NAV3: variants seen among roughly 807,000 people sequenced by gnomAD.
NAV3 encodes the protein pore membrane and/or filament interacting like protein 1.
In NAV3, 87 loss-of-function variants were observed where a neutral mutation model predicts 244.7. The observed-to-expected ratio is 0.36, with a 90% CI of 0.30 to 0.42. The LOEUF (loss-of-function observed/expected upper bound fraction) is 0.42, where lower values mean the gene tolerates loss of function less well. NAV3 is among the 20% of genes least tolerant of loss of function. The pLI, the probability that NAV3 is intolerant of heterozygous loss-of-function variation, is 1.00. For missense variants in NAV3, 2,663 were observed against 2,893.3 expected (o/e 0.92, Z 1.83); for synonymous variants, 1,126 against 1,042.2 (o/e 1.08, Z -1.55).
At chr12:78,154,313 G>GTATATATTACTATCTAATATATAA (rs1555183047) in intron 22 of NAV3, among the ~76,000 whole-genome samples, 1 of 130,482 alleles carries the variant, frequency 7.7e-6, no homozygotes, top group African/African-American at 2.9e-5. Flanking sequence ...ATAATATATA[G>GTATATATTACTATCTAATATATAA]TATATATATA....
intron 12 of NAV3, among the ~76,000 whole-genome samples, chr12:78,095,335 G>A (rs993543346): frequency 6.6e-6 from 1 of 152,034 alleles, no homozygotes; most frequent in African/African-American, 2.4e-5. Context: ...AACTCTTGAA[G>A]AGAGAGCAAG....
intron 2 of NAV3, among the ~76,000 whole-genome samples, chr12:77,607,548 C>T (rs368789351): frequency 1.5e-4 from 23 of 152,126 alleles, no homozygotes; most frequent in Non-Finnish European, 2.2e-4. Flanking sequence ...AGGAGATGGA[C>T]GTTTCTTAAA....
At chr12:77,829,289 C>T (rs1873345900), upstream of NAV3, among the ~76,000 whole-genome samples, 1 of 152,270 alleles carries the variant, frequency 6.6e-6, no homozygotes, top group South Asian at 2.1e-4. Flanking sequence ...CATTTATACC[C>T]AATTATTTTT....
chr12:78,105,610 G>A (rs948615975), intron 12 of NAV3, among the ~76,000 whole-genome samples: 1 of 151,810 alleles, frequency 6.6e-6, no homozygotes, highest in Non-Finnish European at 1.5e-5. Flanking sequence ...ATTCTTACTG[G>A]TTTGTTTCAG....
chr12:77,930,137 C>G (rs1593030159), intron 1 of NAV3, among the ~76,000 whole-genome samples: 1 of 152,066 alleles, frequency 6.6e-6, no homozygotes, highest in African/African-American at 2.4e-5. Flanking sequence ...AAGTAATATG[C>G]TTTAATATCC....
At chr12:77,648,164 C>G (rs926763166) in intron 2 of NAV3, among the ~76,000 whole-genome samples, 3 of 151,990 alleles carry the variant, frequency 2.0e-5, no homozygotes, top group Non-Finnish European at 4.4e-5. Context: ...GTAAAGGCCT[C>G]GTTTCAAAAA....
chr12:77,776,661 A>T (rs573800546), intron 2 of NAV3, among the ~76,000 whole-genome samples: 3 of 152,170 alleles, frequency 2.0e-5, no homozygotes, highest in African/African-American at 7.2e-5. Context: ...CCACTGACAA[A>T]CATGGTTTCT....
At chr12:77,901,231 G>A (rs754762130) in intron 1 of NAV3, among the ~76,000 whole-genome samples, 2 of 152,072 alleles carry the variant, frequency 1.3e-5, no homozygotes, top group Admixed American at 6.5e-5. Flanking sequence ...AGTTTAAGTA[G>A]GTCCCACTTG....
intron 3 of NAV3, among the ~76,000 whole-genome samples, chr12:77,947,767 C>T (rs2137590337): frequency 6.6e-6 from 1 of 152,012 alleles, no homozygotes; most frequent in South Asian, 2.1e-4. Flanking sequence ...TATGTATAAA[C>T]TACTAGTATC....
chr12:77,823,982 G>A (rs1372094056), intron 2 of NAV3, among the ~76,000 whole-genome samples: 1 of 152,116 alleles, frequency 6.6e-6, no homozygotes, highest in Admixed American at 6.6e-5. Context: ...AAAAATACAT[G>A]AGACAGGATT....
intron 1 of NAV3, among the ~76,000 whole-genome samples, chr12:77,834,028 T>C (rs1592732370): frequency 6.6e-6 from 1 of 152,254 alleles, no homozygotes; most frequent in South Asian, 2.1e-4. Context: ...TCCGCCAGTG[T>C]GTTCCTCTCG....
intron 1 of NAV3, among the ~76,000 whole-genome samples, chr12:77,933,124 T>G (rs143756224): frequency 2.1e-4 from 32 of 152,232 alleles, no homozygotes; most frequent in African/African-American, 7.0e-4. Flanking sequence ...AGGGACATTT[T>G]TTTTGAAGTT....
chr12:77,821,170 C>G (rs1041201276), intron 2 of NAV3, among the ~76,000 whole-genome samples: 1 of 151,776 alleles, frequency 6.6e-6, no homozygotes, highest in East Asian at 1.9e-4. Flanking sequence ...CTGAAAAAGA[C>G]AAATTTTTGA....
At chr12:78,007,540 G>A (rs200700805) in intron 8 of NAV3, 95 bp downstream of exon 8, 1 of 1,323,700 alleles carries the variant, frequency 7.6e-7, no homozygotes, top group East Asian at 2.4e-5. Flanking sequence ...GGTGCTTTAT[G>A]TCGTCATTTT....
intron 1 of NAV3, among the ~76,000 whole-genome samples, chr12:77,875,749 T>C (rs766198458): frequency 3.3e-5 from 5 of 152,110 alleles, no homozygotes; most frequent in Non-Finnish European, 7.4e-5. Context: ...TTCAAATATA[T>C]TAACAATAAT....
intron 2 of NAV3, among the ~76,000 whole-genome samples, chr12:77,634,653 T>C (rs1872074357): frequency 6.6e-6 from 1 of 152,196 alleles, no homozygotes; most frequent in Non-Finnish European, 1.5e-5. Flanking sequence ...CTATTTCCAT[T>C]TTGAAATTTC....
chr12:77,936,978 A>G (rs866313485), intron 1 of NAV3, among the ~76,000 whole-genome samples: 1 of 152,180 alleles, frequency 6.6e-6, no homozygotes, highest in African/African-American at 2.4e-5. Flanking sequence ...ATATATTTAC[A>G]TGTTACTTTG....
chr12:77,788,806 TA>T (rs1871030834), intron 2 of NAV3, among the ~76,000 whole-genome samples: 2 of 152,268 alleles, frequency 1.3e-5, no homozygotes, highest in South Asian at 4.1e-4. Context: ...TAAGTACTTG[TA>T]CTAGGTTAAA....
intron 4 of NAV3, among the ~76,000 whole-genome samples, chr12:77,968,171 G>A: frequency 6.6e-6 from 1 of 152,120 alleles, no homozygotes; most frequent in East Asian, 1.9e-4. Context: ...ATTTGTGAGG[G>A]AATCAACATG....
Sources: gnomAD v4.1 joint callset for allele counts (sites outside exome capture counted in the v4.1 genomes callset) on GRCh38, gnomAD v4.1.1 for gene constraint, MANE v1.5 for transcripts, NCBI Gene and HGNC (gene_info 2026-07-23, HGNC 2026-07-21) for gene names.